Variants in MTUS2 observed in about 807,000 individuals in gnomAD.
MTUS2 encodes the protein microtubule associated scaffold protein 2.
Under a neutral mutation model 114.1 loss-of-function variants are expected in MTUS2, and 40 were observed. The ratio of observed to expected loss-of-function variants is 0.35; its 90% confidence interval spans 0.27 to 0.46. The LOEUF (loss-of-function observed/expected upper bound fraction) is 0.46. Among genes scored for constraint, MTUS2 ranks in the 20% least tolerant of loss-of-function variants. The pLI is 1.00. For synonymous variants in MTUS2, 688 were observed against 672.0 expected, an observed-to-expected ratio of 1.02 and a Z score of -0.37; for missense variants, 1,679 against 1,705.4, an observed-to-expected ratio of 0.98 and a Z score of 0.27.
At chr13:29,478,734 C>A (rs1021471170) in intron 9 of MTUS2, among the ~76,000 whole-genome samples, 10 of 152,072 alleles carry the variant, frequency 6.6e-5, no homozygotes, top group African/African-American at 2.4e-4. Context: ...CCTCGGTGGG[C>A]CCTGATTGCA....
intron 5 of MTUS2, among the ~76,000 whole-genome samples, chr13:29,143,330 C>A (rs149166610): frequency 3.2e-4 from 49 of 152,342 alleles, no homozygotes; most frequent in African/African-American, 1.1e-3. Context: ...GCAGACAAGA[C>A]AGATCTGTTT....
chr13:29,238,886 A>T (rs1455916607), intron 5 of MTUS2, among the ~76,000 whole-genome samples: 2 of 152,176 alleles, frequency 1.3e-5, no homozygotes, highest in Non-Finnish European at 2.9e-5. Context: ...TTTCACTTAC[A>T]TATGAAATCC....
intron 5 of MTUS2, among the ~76,000 whole-genome samples, chr13:29,198,942 G>A (rs1894819215): frequency 6.6e-6 from 1 of 152,110 alleles, no homozygotes; most frequent in African/African-American, 2.4e-5. Flanking sequence ...TGGTGAAGTT[G>A]CTTATCAGCT....
chr13:29,238,449 C>T (rs1267395848), intron 5 of MTUS2, among the ~76,000 whole-genome samples: 2 of 152,244 alleles, frequency 1.3e-5, no homozygotes, highest in Non-Finnish European at 2.9e-5. Context: ...GTGCAGCCTT[C>T]AGTCTGCGGC....
In MTUS2 at chr13:29,496,797, G is replaced by A. The variant is rs774832300; in HGVS notation, c.3580-441G>A. Among the ~76,000 whole-genome samples the A allele has an allele frequency of 6.6e-6, 1 of 152,092 alleles. No homozygotes were observed. Among genetic ancestry groups the A allele is most frequent in the Non-Finnish European group, 1.5e-5 (1 of 68,024 alleles). On this transcript the variant is annotated intron_variant, in intron 12 of 15. Coordinates refer to ENST00000612955, the MANE Select transcript of MTUS2 (RefSeq NM_001033602.4). This position sits in a 1 kb window ranked among gnomAD's most constrained non-coding sequence, Gnocchi z 4.3. ...TTGATGTGGGAGGGGTCCCAAGGGA[G>A]AGAAAGAAGTCAAGGAGGGTTTGAA... is the stretch of plus-strand genomic sequence containing the variant.
chr13:28,980,387 CT>C (rs2138292087), intron 2 of MTUS2, among the ~76,000 whole-genome samples: 2 of 152,324 alleles, frequency 1.3e-5, no homozygotes, highest in East Asian at 3.9e-4. Context: ...TCATCCCACC[CT>C]TCTGCCCCAC....
At chr13:29,442,291 T>A (rs1366109556) in intron 9 of MTUS2, among the ~76,000 whole-genome samples, 1 of 152,180 alleles carries the variant, frequency 6.6e-6, no homozygotes, top group Non-Finnish European at 1.5e-5. Flanking sequence ...CCAGCTCTAT[T>A]TAGAAAGGAG....
intron 7 of MTUS2, among the ~76,000 whole-genome samples, chr13:29,333,278 A>C (rs1900885404): frequency 6.6e-6 from 1 of 151,528 alleles, no homozygotes; most frequent in South Asian, 2.1e-4. Flanking sequence ...GCTGACTGTA[A>C]CCTCCACCTC....
intron 5 of MTUS2, among the ~76,000 whole-genome samples, chr13:29,136,146 C>T (rs969839071): frequency 6.6e-6 from 1 of 152,122 alleles, no homozygotes; most frequent in African/African-American, 2.4e-5. Context: ...TGTCTAATGT[C>T]CTTTCGTTTC....
intron 2 of MTUS2, among the ~76,000 whole-genome samples, chr13:29,015,868 T>C (rs1008468326): frequency 6.6e-6 from 1 of 152,094 alleles, no homozygotes; most frequent in African/African-American, 2.4e-5. Context: ...AATACTATAT[T>C]TTTACTTTTT....
chr13:29,298,314 A>G lies in MTUS2; in HGVS notation c.2806+16449A>G, dbSNP rs114688662. Among the ~76,000 whole-genome samples the G allele has an allele frequency of 4.2e-3, 644 of 152,356 alleles. 3 individuals carry two copies. The highest frequency in any genetic ancestry group is 0.015 in the African/African-American group (618 of 41,594). On this transcript the variant is annotated intron_variant, in intron 6 of 15. Coordinates refer to ENST00000612955, the MANE Select transcript of MTUS2 (RefSeq NM_001033602.4). ...ATTTGAGTTCCTCTCTACCTAAGGA[A>G]AAACATTCCCTGGGAATAGGCTGCT... is the stretch of plus-strand genomic sequence containing the variant.
At chr13:28,920,024 C>T (rs569336642) in intron 2 of MTUS2, among the ~76,000 whole-genome samples, 1 of 152,334 alleles carries the variant, frequency 6.6e-6, no homozygotes, top group Non-Finnish European at 1.5e-5. Context: ...TTTGAATTAT[C>T]TGTCTGAAAG....
At chr13:29,256,830 G>A (rs921237692) in intron 5 of MTUS2, among the ~76,000 whole-genome samples, 4 of 152,062 alleles carry the variant, frequency 2.6e-5, no homozygotes, top group African/African-American at 7.2e-5. Flanking sequence ...CCTCCAAATC[G>A]GGGCTCATTA....
chr13:29,407,906 G>A (rs1006897896), intron 8 of MTUS2, among the ~76,000 whole-genome samples: 2 of 152,126 alleles, frequency 1.3e-5, no homozygotes, highest in African/African-American at 2.4e-5. Flanking sequence ...GTGTCATATT[G>A]TGGCTTTTAT....
At chr13:28,845,656 G>GTTTTTTT (rs765883173) in intron 2 of MTUS2, among the ~76,000 whole-genome samples, 1 of 150,272 alleles carries the variant, frequency 6.7e-6, no homozygotes, top group African/African-American at 2.5e-5. Context: ...TCTCTGTTTT[G>GTTTTTTT]TTTGTTTTTT....
chr13:29,387,299 C>A (rs7989530), intron 8 of MTUS2, among the ~76,000 whole-genome samples: 25,128 of 152,132 alleles, frequency 0.17, 2,967 homozygotes, highest in African/African-American at 0.34. Flanking sequence ...GTTGGGCAGA[C>A]GCAGAGGTAA....
At chr13:29,369,714 G>A (rs1871048228) in intron 8 of MTUS2, among the ~76,000 whole-genome samples, 1 of 152,140 alleles carries the variant, frequency 6.6e-6, no homozygotes, top group African/African-American at 2.4e-5. Context: ...CCCAGGAGAA[G>A]AAAGAAAAAC....
intron 4 of MTUS2, among the ~76,000 whole-genome samples, chr13:29,100,273 C>G (rs1279045241): frequency 1.3e-5 from 2 of 152,122 alleles, no homozygotes; most frequent in Non-Finnish European, 2.9e-5. Flanking sequence ...ATTCCTGCAC[C>G]CAACAGAAGG....
chr13:29,390,133 A>G lies in MTUS2; in HGVS notation c.3117+30660A>G, dbSNP rs1367873856. On this transcript the variant is annotated intron_variant, in intron 8 of 15. Coordinates refer to ENST00000612955, the MANE Select transcript of MTUS2 (RefSeq NM_001033602.4). ...TACACATACACACACAAACATATAT[A>G]CTGACTATATATATATACACACACA... 9.1e-5 allele frequency among the ~76,000 whole-genome samples: 13 copies of G among 142,932 alleles called. No individual in the cohort carries two copies. In the East Asian group the frequency reaches 1.3e-3, roughly 14 times the overall value. The allele number at this position is 142,932 out of a possible 152,430, so 93.8% of individuals were successfully genotyped here.
Sources: gnomAD v4.1 joint callset for allele counts (sites outside exome capture counted in the v4.1 genomes callset) on GRCh38, gnomAD v4.1.1 for gene constraint, Gnocchi (gnomAD v3.1) non-coding constraint, MANE v1.5 for transcripts, NCBI Gene and HGNC (gene_info 2026-07-23, HGNC 2026-07-21) for gene names.